Variants in PIK3C2A observed in about 807,000 individuals in gnomAD.
PIK3C2A encodes the protein phosphatidylinositol-4-phosphate 3-kinase catalytic subunit type 2 alpha.
A neutral mutation model predicts 204.5 loss-of-function variants in PIK3C2A; 97 were observed. The observed-to-expected ratio is 0.47, with a 90% CI of 0.40 to 0.56. The LOEUF (loss-of-function observed/expected upper bound fraction) is 0.56. Among genes scored for constraint, PIK3C2A ranks in the 20% least tolerant of loss-of-function variants. The pLI is 0.00. For missense variants in PIK3C2A, 1,735 were observed against 1,969.2 expected, an observed-to-expected ratio of 0.88 and a Z score of 2.25; for synonymous variants, 653 against 664.4, an observed-to-expected ratio of 0.98 and a Z score of 0.26.
At chr11:17,098,561 T>C (rs908156833) in intron 26 of PIK3C2A, among the ~76,000 whole-genome samples, 1 of 152,216 alleles carries the variant, frequency 6.6e-6, no homozygotes, top group Non-Finnish European at 1.5e-5. Context: ...GGCAGACGAA[T>C]ACATGCCTGC....
chr11:17,132,070 CATG>C (rs1206116185), intron 11 of PIK3C2A, 32 bp from the exon 12 acceptor site: 1 of 1,281,044 alleles, frequency 7.8e-7, no homozygotes, highest in East Asian at 2.4e-5. Flanking sequence ...TGATTTCTAT[CATG>C]ATAATACAAA....
At chr11:17,175,528 C>A (rs968190814) in intron 1 of PIK3C2A, among the ~76,000 whole-genome samples, 5 of 152,100 alleles carry the variant, frequency 3.3e-5, no homozygotes, top group Non-Finnish European at 5.9e-5. Flanking sequence ...TTTCCTACAT[C>A]CTAATTCAAA....
chr11:17,106,944 A>G (rs1312576301), intron 22 of PIK3C2A, among the ~76,000 whole-genome samples: 1 of 152,206 alleles, frequency 6.6e-6, no homozygotes, highest in East Asian at 1.9e-4. Context: ...AATCTCAAGT[A>G]TATATTTTGG....
intron 23 of PIK3C2A, among the ~76,000 whole-genome samples, chr11:17,103,507 G>A (rs1241685831): frequency 6.6e-6 from 1 of 152,098 alleles, no homozygotes; most frequent in Admixed American, 6.6e-5. Flanking sequence ...ACTTGCCCAT[G>A]TAGTTAATTT....
chr11:17,163,467 C>A (rs904252666), intron 2 of PIK3C2A, among the ~76,000 whole-genome samples: 3 of 152,136 alleles, frequency 2.0e-5, no homozygotes, highest in African/African-American at 7.2e-5. Context: ...AGGGCCTTAT[C>A]ATCATAGCTC....
intron 15 of PIK3C2A, among the ~76,000 whole-genome samples, chr11:17,121,812 G>A (rs935983957): frequency 6.6e-6 from 1 of 151,518 alleles, no homozygotes; most frequent in African/African-American, 2.4e-5. Flanking sequence ...TGAGTTCTTG[G>A]TCTTAATCTT....
chr11:17,111,795 T>A (rs74737771), intron 21 of PIK3C2A, among the ~76,000 whole-genome samples: 158 of 144,390 alleles, frequency 1.1e-3, no homozygotes, highest in African/African-American at 3.6e-3. Flanking sequence ...GAGAACTGCA[T>A]GAACTAGGGA....
intron 20 of PIK3C2A, among the ~76,000 whole-genome samples, chr11:17,113,643 G>A (rs890789193): frequency 5.3e-5 from 8 of 150,780 alleles, no homozygotes; most frequent in Non-Finnish European, 7.4e-5. Flanking sequence ...TTAGCCAGGC[G>A]TGGTGGCAGG....
chr11:17,202,600 G>A (rs1852428249), intron 1 of PIK3C2A, among the ~76,000 whole-genome samples: 1 of 151,878 alleles, frequency 6.6e-6, no homozygotes, highest in African/African-American at 2.4e-5. Context: ...AGAACACTGG[G>A]CCTAGCATTG....
At chr11:17,197,316 G>C (rs1217675980) in intron 1 of PIK3C2A, among the ~76,000 whole-genome samples, 1 of 152,078 alleles carries the variant, frequency 6.6e-6, no homozygotes, top group Non-Finnish European at 1.5e-5. Flanking sequence ...CACCGCACCT[G>C]GCCCCCACTC....
chr11:17,108,118 C>T (rs912687020), intron 22 of PIK3C2A, among the ~76,000 whole-genome samples: 3 of 152,288 alleles, frequency 2.0e-5, no homozygotes, highest in South Asian at 2.1e-4. Context: ...GGGATCTGCC[C>T]GCCTCGGCCT....
chr11:17,190,684 A>T (rs1412311084), intron 1 of PIK3C2A, among the ~76,000 whole-genome samples: 1 of 152,176 alleles, frequency 6.6e-6, no homozygotes, highest in Non-Finnish European at 1.5e-5. Context: ...ACTACAGAAA[A>T]GAAATACTGG....
rs189390725 is a variant in PIK3C2A at position 17,122,473 on chromosome 11, T to C, written c.2512-140A>G. On this transcript the variant is annotated intron_variant, in intron 14 of 32. Coordinates refer to ENST00000691414, the MANE Select transcript of PIK3C2A (RefSeq NM_002645.4). ...ATTAAATTAATGCTTCTTGTTGCAA[T>C]TGATTACCATTGTTGGTAATTCTCA... The C allele has an allele frequency of 1.6e-4, 102 of 642,024 alleles. No individual in the cohort carries two copies. In the African/African-American group the frequency reaches 1.6e-3, roughly 10 times the overall value. The allele number at this position is 642,024 out of a possible 1,614,324, so 39.8% of individuals were successfully genotyped here.
intron 3 of PIK3C2A, among the ~76,000 whole-genome samples, chr11:17,154,759 T>C (rs1289417400): frequency 2.0e-5 from 3 of 152,144 alleles, no homozygotes; most frequent in Admixed American, 6.5e-5. Flanking sequence ...ACAAGGAGAA[T>C]TGAAGGAAGG....
intron 8 of PIK3C2A, among the ~76,000 whole-genome samples, chr11:17,140,669 G>A (rs1239010247): frequency 6.6e-6 from 1 of 152,188 alleles, no homozygotes. Context: ...AGGATTGACT[G>A]CAAATCAGTA....
intron 1 of PIK3C2A, among the ~76,000 whole-genome samples, chr11:17,185,448 C>G (rs1851720307): frequency 6.6e-6 from 1 of 152,098 alleles, no homozygotes; most frequent in African/African-American, 2.4e-5. Flanking sequence ...AGCCATTAAG[C>G]AACACATGAC....
chr11:17,134,781 G>T, intron 11 of PIK3C2A, 38 bp downstream of exon 11: 1 of 1,470,394 alleles, frequency 6.8e-7, no homozygotes, highest in South Asian at 1.1e-5. Context: ...GATTACAGGT[G>T]CAAGCCACCA....
At chr11:17,135,201 A>G in intron 9 of PIK3C2A, 42 bp from the exon 10 acceptor site, 1 of 1,594,898 alleles carries the variant, frequency 6.3e-7, no homozygotes, top group Non-Finnish European at 8.6e-7. Flanking sequence ...AAAACTGCCT[A>G]TGACATAATA....
chr11:17,193,528 G>A (rs572309888), intron 1 of PIK3C2A: 93 of 445,744 alleles, frequency 2.1e-4, no homozygotes, highest in Admixed American at 1.7e-3. Flanking sequence ...CAACATTCCC[G>A]AAAATGGCAC....
Sources: gnomAD v4.1 joint callset for allele counts (sites outside exome capture counted in the v4.1 genomes callset) on GRCh38, gnomAD v4.1.1 for gene constraint, MANE v1.5 for transcripts, NCBI Gene and HGNC (gene_info 2026-07-23, HGNC 2026-07-21) for gene names.